HCN1: variants seen among roughly 807,000 people sequenced by gnomAD.
HCN1 encodes potassium/sodium hyperpolarization-activated cyclic nucleotide-gated channel 1.
Under a neutral mutation model 78.9 loss-of-function variants are expected in HCN1, and 13 were observed. The ratio of observed to expected loss-of-function variants is 0.16; its 90% CI spans 0.11 to 0.26. The LOEUF (loss-of-function observed/expected upper bound fraction) is 0.26. Ranked by LOEUF, HCN1 falls within the 10% of genes least tolerant of loss-of-function variation. The probability of loss-of-function intolerance (pLI) is 1.00; values close to 1 mark genes in which losing one functional copy is unlikely to be tolerated. For synonymous variants in HCN1, 552 were observed against 455.5 expected, an observed-to-expected ratio of 1.21 and a Z score of -2.70; for missense variants, 810 against 1,154.3, an observed-to-expected ratio of 0.70 and a Z score of 4.32.
intron 7 of HCN1, 127 bp downstream of exon 7, chr5:45,266,962 G>T: frequency 1.2e-6 from 1 of 807,590 alleles, no homozygotes; most frequent in South Asian, 1.4e-5. Flanking sequence ...ACCTGCCTTG[G>T]CCTCCCAAAG....
At chr5:45,280,044 A>G (rs996148006) in intron 6 of HCN1, among the ~76,000 whole-genome samples, 2 of 152,130 alleles carry the variant, frequency 1.3e-5, no homozygotes, top group Admixed American at 1.3e-4. Flanking sequence ...TTATTATAAT[A>G]CCATATCAGG....
At chr5:45,361,598 C>T (rs756129509) in intron 4 of HCN1, among the ~76,000 whole-genome samples, 30 of 152,148 alleles carry the variant, frequency 2.0e-4, no homozygotes, top group South Asian at 6.2e-4. Context: ...ACAAGTAAAG[C>T]GTGTTATTCT....
At chr5:45,539,077 G>C (rs560845707) in intron 2 of HCN1, among the ~76,000 whole-genome samples, 1 of 152,114 alleles carries the variant, frequency 6.6e-6, no homozygotes, top group Non-Finnish European at 1.5e-5. Context: ...CTTTCTATTT[G>C]TAACTTAGCA....
chr5:45,566,467 TAA>T (rs1286789381), intron 2 of HCN1, among the ~76,000 whole-genome samples: 1 of 152,180 alleles, frequency 6.6e-6, no homozygotes, highest in Non-Finnish European at 1.5e-5. Flanking sequence ...CCATAAATTT[TAA>T]GTTAGAATAT....
intron 5 of HCN1, among the ~76,000 whole-genome samples, chr5:45,305,847 A>G (rs1458342309): frequency 4.1e-5 from 6 of 146,000 alleles, no homozygotes; most frequent in Non-Finnish European, 9.1e-5. Context: ...GGGAGGGAGG[A>G]AGGAAGGAAG....
At chr5:45,447,551 A>G (rs1740825191) in intron 3 of HCN1, among the ~76,000 whole-genome samples, 1 of 152,180 alleles carries the variant, frequency 6.6e-6, no homozygotes, top group South Asian at 2.1e-4. Flanking sequence ...CCAGGTTATT[A>G]TTAATATGTT....
intron 3 of HCN1, among the ~76,000 whole-genome samples, chr5:45,435,444 A>G (rs1485270745): frequency 6.6e-6 from 1 of 152,194 alleles, no homozygotes; most frequent in Non-Finnish European, 1.5e-5. Flanking sequence ...TAAAATCAAT[A>G]TGAAATACAT....
intron 3 of HCN1, among the ~76,000 whole-genome samples, chr5:45,447,004 A>G (rs1740813634): frequency 1.3e-5 from 2 of 152,154 alleles, no homozygotes; most frequent in African/African-American, 4.8e-5. Context: ...ACCAGCTAAC[A>G]TCATAATGAC....
At chr5:45,563,116 ATCTT>A (rs1483475797) in intron 2 of HCN1, among the ~76,000 whole-genome samples, 1 of 152,208 alleles carries the variant, frequency 6.6e-6, no homozygotes, top group African/African-American at 2.4e-5. Flanking sequence ...ACCTGGATTT[ATCTT>A]TCTTTTTTAT....
intron 3 of HCN1, among the ~76,000 whole-genome samples, chr5:45,432,586 G>A (rs1476301055): frequency 6.6e-6 from 1 of 152,110 alleles, no homozygotes; most frequent in East Asian, 1.9e-4. Flanking sequence ...AATACTTTCA[G>A]CTTTTGCCCA....
chr5:45,577,946 T>C (rs1216182431), intron 2 of HCN1, among the ~76,000 whole-genome samples: 1 of 152,096 alleles, frequency 6.6e-6, no homozygotes, highest in African/African-American at 2.4e-5. Flanking sequence ...AGTGTCACTA[T>C]TCTTTTGTAT....
At chr5:45,446,128 T>C (rs1740789646) in intron 3 of HCN1, among the ~76,000 whole-genome samples, 1 of 152,138 alleles carries the variant, frequency 6.6e-6, no homozygotes, top group Non-Finnish European at 1.5e-5. Context: ...GCAAAGAAGT[T>C]GAAAACTTTG....
At chr5:45,418,323 T>C (rs1740158988) in intron 3 of HCN1, among the ~76,000 whole-genome samples, 1 of 151,240 alleles carries the variant, frequency 6.6e-6, no homozygotes, top group South Asian at 2.1e-4. Context: ...AAGATACGTT[T>C]TTCTACATTA....
chr5:45,302,402 G>A (rs561330784), intron 6 of HCN1, among the ~76,000 whole-genome samples: 6 of 152,010 alleles, frequency 3.9e-5, no homozygotes, highest in Non-Finnish European at 7.4e-5. Context: ...AGATAATTAA[G>A]TCTCTATTCT....
At chr5:45,266,870 G>A (rs1420319951) in intron 7 of HCN1, among the ~76,000 whole-genome samples, 2 of 151,774 alleles carry the variant, frequency 1.3e-5, no homozygotes, top group East Asian at 1.9e-4. Context: ...CACCACACCC[G>A]GCTAATTTTT....
intron 2 of HCN1, among the ~76,000 whole-genome samples, chr5:45,520,141 G>T (rs1268359116): frequency 6.6e-6 from 1 of 152,000 alleles, no homozygotes; most frequent in African/African-American, 2.4e-5. Context: ...TTCTGTCACA[G>T]TACCTCATCT....
intron 2 of HCN1, among the ~76,000 whole-genome samples, chr5:45,483,316 A>G (rs1320949036): frequency 6.6e-6 from 1 of 152,116 alleles, no homozygotes; most frequent in Non-Finnish European, 1.5e-5. Context: ...CTGGTGTGAT[A>G]TCTCACACAG....
At chr5:45,589,873 G>A (rs1433297001) in intron 2 of HCN1, among the ~76,000 whole-genome samples, 1 of 152,078 alleles carries the variant, frequency 6.6e-6, no homozygotes, top group Non-Finnish European at 1.5e-5. Flanking sequence ...ACATCTCCCT[G>A]ATCTATAAAT....
At chr5:45,307,122 C>G (rs1252276242) in intron 5 of HCN1, among the ~76,000 whole-genome samples, 1 of 151,960 alleles carries the variant, frequency 6.6e-6, no homozygotes, top group Non-Finnish European at 1.5e-5. Context: ...TCAAACAAAG[C>G]TGGAAAAACT....
Sources: allele counts gnomAD v4.1 joint callset (sites outside exome capture counted in the v4.1 genomes callset), GRCh38; gene constraint gnomAD v4.1.1; transcripts MANE v1.5; gene names NCBI Gene and HGNC (gene_info 2026-07-23, HGNC 2026-07-21).